The following PPP1R12B variants were observed in gnomAD, a reference collection of about 807,000 sequenced individuals.
The protein encoded by PPP1R12B is protein phosphatase 1 regulatory subunit 12B.
Under a neutral mutation model 126.1 loss-of-function variants are expected in PPP1R12B, and 76 were observed. The ratio of observed to expected loss-of-function variants is 0.60; its 90% CI spans 0.50 to 0.73. The LOEUF (loss-of-function observed/expected upper bound fraction) is 0.73, where lower values mean the gene tolerates loss of function less well. PPP1R12B is among the 30% of genes least tolerant of loss of function. The pLI is 0.00. For missense variants in PPP1R12B, 1,052 were observed against 1,205.1 expected (o/e 0.87, Z 1.88); for synonymous variants, 356 against 434.7 (o/e 0.82, Z 2.25).
rs145788822 is a variant in PPP1R12B at position 202,434,769 on chromosome 1, G to T, written c.1254+1G>T. 21 of 1,613,216 alleles carry T rather than the reference G, an allele frequency of 1.3e-5. No homozygotes were observed. The highest frequency in any genetic ancestry group is 1.8e-5 in the Non-Finnish European group (21 of 1,179,828). The stretch of plus-strand genomic sequence containing the variant: ...CTTCTCTGCCTCTTCTGCTAGGAGG[G>T]TGAGTACTTTTTACTTAATTTGGGA... On this transcript the variant is annotated splice_donor_variant, in intron 9 of 23. Transcript: ENST00000608999. LOFTEE classifies it high-confidence loss of function.
intron 18 of PPP1R12B, among the ~76,000 whole-genome samples, chr1:202,520,120 C>T (rs1428836156): frequency 1.3e-5 from 2 of 152,182 alleles, no homozygotes; most frequent in Non-Finnish European, 2.9e-5. Context: ...GAGGACTCAG[C>T]CTACTTATAA....
At chr1:202,560,906 A>G (rs1054698850) in intron 19 of PPP1R12B, among the ~76,000 whole-genome samples, 1 of 152,190 alleles carries the variant, frequency 6.6e-6, no homozygotes, top group African/African-American at 2.4e-5. Flanking sequence ...ATTAGTTTTA[A>G]AAGCCCGATG....
chr1:202,373,374 A>G (rs1210801489), intron 1 of PPP1R12B, among the ~76,000 whole-genome samples: 9 of 152,182 alleles, frequency 5.9e-5, no homozygotes. Context: ...TTAGTGTTGT[A>G]TCTAAGAAAC....
intron 1 of PPP1R12B, among the ~76,000 whole-genome samples, chr1:202,404,009 A>G (rs1035538262): frequency 3.3e-5 from 5 of 152,058 alleles, no homozygotes; most frequent in Admixed American, 1.3e-4. Context: ...CTAGATTACA[A>G]TTTCCTCACT....
intron 1 of PPP1R12B, among the ~76,000 whole-genome samples, chr1:202,386,094 C>A (rs541092824): frequency 6.6e-6 from 1 of 151,564 alleles, no homozygotes; most frequent in Non-Finnish European, 1.5e-5. Context: ...CCACCATGCC[C>A]GGCTAATTTT....
At chr1:202,466,869 T>G (rs972897335) in intron 13 of PPP1R12B, among the ~76,000 whole-genome samples, 2 of 152,184 alleles carry the variant, frequency 1.3e-5, no homozygotes, top group African/African-American at 4.8e-5. Flanking sequence ...GTTCTCACTT[T>G]TTTTTTTAGA....
intron 23 of PPP1R12B, among the ~76,000 whole-genome samples, chr1:202,572,701 C>A (rs1688723035): frequency 6.6e-6 from 1 of 152,126 alleles, no homozygotes. Flanking sequence ...CCTTGTCAGA[C>A]CTTCTCCCCT....
intron 23 of PPP1R12B, chr1:202,574,866 A>G (rs1688944342): frequency 1.2e-6 from 1 of 863,508 alleles, no homozygotes; most frequent in Non-Finnish European, 1.7e-6. Flanking sequence ...TGCCTTTCTC[A>G]TTTCCTTTCT....
At chr1:202,495,526 T>A (rs1679442825) in intron 16 of PPP1R12B, 44 bp downstream of exon 16, 1 of 1,608,362 alleles carries the variant, frequency 6.2e-7, no homozygotes, top group Non-Finnish European at 8.5e-7. Flanking sequence ...ACAGTGCACA[T>A]CCCCAGATTC....
chr1:202,449,982 G>A (rs1406996612), intron 13 of PPP1R12B, among the ~76,000 whole-genome samples: 4 of 152,162 alleles, frequency 2.6e-5, no homozygotes, highest in African/African-American at 4.8e-5. Context: ...CACCGCTCCC[G>A]GCTGTCGTTA....
chr1:202,355,378 C>G (rs1656891796), intron 1 of PPP1R12B, among the ~76,000 whole-genome samples: 1 of 152,154 alleles, frequency 6.6e-6, no homozygotes, highest in Non-Finnish European at 1.5e-5. Flanking sequence ...AAAAAGATTC[C>G]TTTTAGAGTT....
chr1:202,563,626 T>TAAA (rs56149958), intron 20 of PPP1R12B, among the ~76,000 whole-genome samples: 54 of 120,358 alleles, frequency 4.5e-4, no homozygotes, highest in African/African-American at 1.5e-3. Context: ...TTGGTGTTAG[T>TAAA]AAAAAAAAAA....
At chr1:202,560,983 G>GTA (rs1687461328) in intron 19 of PPP1R12B, among the ~76,000 whole-genome samples, 3 of 151,382 alleles carry the variant, frequency 2.0e-5, no homozygotes, top group Non-Finnish European at 4.4e-5. Flanking sequence ...TGCACATTGT[G>GTA]CACATGTACC....
intron 1 of PPP1R12B, among the ~76,000 whole-genome samples, chr1:202,389,956 A>C (rs1663868936): frequency 6.6e-6 from 1 of 151,812 alleles, no homozygotes; most frequent in Non-Finnish European, 1.5e-5. Flanking sequence ...ATCCACATGG[A>C]ATTGCAAGGG....
chr1:202,433,657 A>G (rs1440082812), intron 8 of PPP1R12B, among the ~76,000 whole-genome samples: 1 of 152,222 alleles, frequency 6.6e-6, no homozygotes, highest in Admixed American at 6.5e-5. Flanking sequence ...TTAAGCCGAA[A>G]TTCATTTCAG....
At chr1:202,471,252 T>C (rs1369593974) in intron 13 of PPP1R12B, among the ~76,000 whole-genome samples, 4 of 152,236 alleles carry the variant, frequency 2.6e-5, no homozygotes, top group South Asian at 2.1e-4. Flanking sequence ...TTCTGTTTGT[T>C]CATTCTAAAT....
chr1:202,398,753 C>G (rs868727478), intron 1 of PPP1R12B, among the ~76,000 whole-genome samples: 3 of 152,090 alleles, frequency 2.0e-5, no homozygotes, highest in Non-Finnish European at 4.4e-5. Context: ...TCTTATGTTG[C>G]CCAAGTAACT....
intron 18 of PPP1R12B, among the ~76,000 whole-genome samples, chr1:202,553,974 A>G (rs1485506351): frequency 6.6e-6 from 1 of 152,166 alleles, no homozygotes; most frequent in Non-Finnish European, 1.5e-5. Flanking sequence ...TTAGTCTAAC[A>G]GTTGATTTGA....
chr1:202,576,601 A>G (rs1689114619), intron 23 of PPP1R12B: 1 of 152,196 alleles, frequency 6.6e-6, no homozygotes, highest in Non-Finnish European at 1.5e-5. Context: ...GTTAGCCTCA[A>G]GATTCCTGGA....
Sources: gnomAD v4.1 joint callset for allele counts (sites outside exome capture counted in the v4.1 genomes callset) on GRCh38, gnomAD v4.1.1 for gene constraint, MANE v1.5 for transcripts, NCBI Gene and HGNC (gene_info 2026-07-23, HGNC 2026-07-21) for gene names.